Variants in PRCP observed in about 807,000 individuals in gnomAD.
The protein encoded by PRCP is prolylcarboxypeptidase, also known as lysosomal Pro-X carboxypeptidase.
PRCP carries 46 observed loss-of-function variants against 54.2 expected under a neutral mutation model. The observed-to-expected ratio is 0.85, with a 90% CI of 0.67 to 1.09. PRCP has a LOEUF of 1.09. PRCP is among the 50% of genes least tolerant of loss of function. PRCP has a pLI of 0.00. For synonymous variants in PRCP, 240 were observed against 212.2 expected (o/e 1.13, Z -1.14); for missense variants, 613 against 596.8 (o/e 1.03, Z -0.28).
chr11:82,892,097 C>T (rs146108437), intron 1 of PRCP, among the ~76,000 whole-genome samples: 671 of 152,212 alleles, frequency 4.4e-3, no homozygotes, highest in Admixed American at 6.1e-3. Context: ...TGAATATGAA[C>T]TAATAAGTGG....
chr11:82,849,637 T>C (rs1858897809), intron 5 of PRCP, among the ~76,000 whole-genome samples: 2 of 152,136 alleles, frequency 1.3e-5, no homozygotes, highest in African/African-American at 4.8e-5. Context: ...AGTGAGGATG[T>C]TTTTGCTGGG....
intron 3 of PRCP, among the ~76,000 whole-genome samples, chr11:82,850,837 G>C (rs12361476): frequency 1.5e-3 from 233 of 152,100 alleles, no homozygotes; most frequent in Middle Eastern, 6.8e-3. Flanking sequence ...TTAAATCTTG[G>C]CACATTTAAA....
chr11:82,873,967 T>C (rs546903281), intron 1 of PRCP, among the ~76,000 whole-genome samples: 20 of 152,352 alleles, frequency 1.3e-4, no homozygotes, highest in African/African-American at 4.8e-4. Flanking sequence ...GATTTCACTA[T>C]AAAATGTCCT....
intron 1 of PRCP, among the ~76,000 whole-genome samples, chr11:82,882,368 T>C (rs1448564684): frequency 2.6e-5 from 4 of 152,216 alleles, no homozygotes; most frequent in Non-Finnish European, 5.9e-5. Context: ...CTATAGAAGT[T>C]AAACCTGTTT....
chr11:82,892,407 T>C (rs1401860608), intron 1 of PRCP, among the ~76,000 whole-genome samples: 1 of 152,144 alleles, frequency 6.6e-6, no homozygotes, highest in African/African-American at 2.4e-5. Flanking sequence ...GTTTTTAAAA[T>C]TGTGAACCAG....
chr11:82,870,332 G>A (rs998638390), intron 1 of PRCP, among the ~76,000 whole-genome samples: 1 of 152,126 alleles, frequency 6.6e-6, no homozygotes, highest in African/African-American at 2.4e-5. Context: ...TAATACCCTA[G>A]GACAAAAAGT....
chr11:82,868,506 G>A (rs545752970), intron 1 of PRCP, among the ~76,000 whole-genome samples: 61 of 152,302 alleles, frequency 4.0e-4, no homozygotes, highest in Admixed American at 9.8e-4. Flanking sequence ...CACTGTGGGA[G>A]CTCAGAAGCC....
chr11:82,895,807 G>A (rs1275279759), intron 1 of PRCP, among the ~76,000 whole-genome samples: 2 of 152,106 alleles, frequency 1.3e-5, no homozygotes, highest in Non-Finnish European at 2.9e-5. Context: ...CTAGACATCA[G>A]GGCCACTGTG....
intron 8 of PRCP, chr11:82,830,599 G>A (rs1449169833): frequency 8.3e-6 from 1 of 120,620 alleles, no homozygotes; most frequent in African/African-American, 3.2e-5. Flanking sequence ...CTGCAATCCA[G>A]CCTGGGTGAC....
At chr11:82,831,958 A>G (rs1208271319) in intron 8 of PRCP, among the ~76,000 whole-genome samples, 1 of 151,962 alleles carries the variant, frequency 6.6e-6, no homozygotes, top group Non-Finnish European at 1.5e-5. Flanking sequence ...TATGAGTGAG[A>G]ACATATGGTG....
At chr11:82,858,903 T>C (rs1859149698) in intron 2 of PRCP, 1 of 152,212 alleles carries the variant, frequency 6.6e-6, no homozygotes, top group South Asian at 2.1e-4. Flanking sequence ...TTCAACTAAA[T>C]TACTTAGATT....
In PRCP at chr11:82,853,234, C is replaced by T; in HGVS notation, c.354G>A (p.Val118=). The part of the protein sequence containing the change: ...DVAEELKAML[V]FAEHRYYGES... ...CTCCATAGTATCGATGTTCAGCAAA[C>T]ACCAACATAGCTTTCAGTTCCTCAG... Residue 118 remains valine (V), a synonymous_variant, in exon 3 of 9, where the codon GTG becomes GTA. Coordinates refer to ENST00000313010, the MANE Select transcript of PRCP (RefSeq NM_005040.4). 5 of 1,613,218 alleles carry T rather than the reference C, an allele frequency of 3.1e-6. No homozygotes were observed. The highest frequency in any genetic ancestry group is 4.2e-6 in the Non-Finnish European group (5 of 1,179,456).
At chr11:82,850,276 C>A in intron 4 of PRCP, 48 bp downstream of exon 4, 1 of 1,353,048 alleles carries the variant, frequency 7.4e-7, no homozygotes, top group African/African-American at 1.5e-5. Context: ...TCTAAGTTTC[C>A]CTTGATAATC....
At chr11:82,844,888 C>T (rs1005849062) in intron 6 of PRCP, among the ~76,000 whole-genome samples, 11 of 151,846 alleles carry the variant, frequency 7.2e-5, no homozygotes, top group Admixed American at 4.6e-4. Flanking sequence ...CTTAAATACA[C>T]CTGCTGTCTC....
At chr11:82,864,581 T>A (rs1859287627) in intron 1 of PRCP, among the ~76,000 whole-genome samples, 2 of 152,256 alleles carry the variant, frequency 1.3e-5, no homozygotes, top group Admixed American at 6.5e-5. Context: ...GCTAGAACTT[T>A]ATTTTTGCAG....
chr11:82,872,053 C>T (rs890864788), intron 1 of PRCP, among the ~76,000 whole-genome samples: 7 of 152,130 alleles, frequency 4.6e-5, no homozygotes, highest in African/African-American at 1.2e-4. Flanking sequence ...AGAGACTACG[C>T]GTTCACATAA....
chr11:82,873,950 C>A (rs1421197462), intron 1 of PRCP, among the ~76,000 whole-genome samples: 1 of 152,238 alleles, frequency 6.6e-6, no homozygotes, highest in African/African-American at 2.4e-5. Context: ...CTCAAATTCG[C>A]AGTCCTGATT....
intron 1 of PRCP, among the ~76,000 whole-genome samples, chr11:82,875,905 A>T (rs1233043582): frequency 6.6e-6 from 1 of 152,146 alleles, no homozygotes; most frequent in Non-Finnish European, 1.5e-5. Context: ...CATATTCCAG[A>T]AATGCTCTGG....
chr11:82,841,531 G>C (rs1858671469), intron 6 of PRCP, among the ~76,000 whole-genome samples: 1 of 152,114 alleles, frequency 6.6e-6, no homozygotes, highest in African/African-American at 2.4e-5. Context: ...ACTTTCCAAA[G>C]GAAGATGGAG....
Sources: allele counts gnomAD v4.1 joint callset (sites outside exome capture counted in the v4.1 genomes callset), GRCh38; gene constraint gnomAD v4.1.1; transcripts MANE v1.5; gene names NCBI Gene and HGNC (gene_info 2026-07-23, HGNC 2026-07-21).